TCF4: variants seen among roughly 807,000 people sequenced by gnomAD.
TCF4 encodes the protein SL3-3 enhancer factor 2.
TCF4 carries 3 observed loss-of-function variants against 82.1 expected under a neutral mutation model. The ratio of observed to expected loss-of-function variants is 0.04; its 90% CI spans 0.02 to 0.09. The LOEUF (loss-of-function observed/expected upper bound fraction) is 0.09, where lower values mean the gene tolerates loss of function less well. Ranked by LOEUF, TCF4 falls within the 10% of genes least tolerant of loss-of-function variation. The probability of loss-of-function intolerance (pLI) is 1.00; values close to 1 mark genes in which losing one functional copy is unlikely to be tolerated. For synonymous variants in TCF4, 276 were observed against 309.6 expected (o/e 0.89, Z 1.14); for missense variants, 518 against 852.7 (o/e 0.61, Z 4.89).
At chr18:55,235,102 G>A (rs1389493628) in intron 15 of TCF4, among the ~76,000 whole-genome samples, 1 of 151,872 alleles carries the variant, frequency 6.6e-6, no homozygotes, top group Non-Finnish European at 1.5e-5. Flanking sequence ...TTTGGCATTC[G>A]ACTTTCATTT....
chr18:55,429,882 A>G (rs1411132644), intron 5 of TCF4, among the ~76,000 whole-genome samples: 1 of 151,444 alleles, frequency 6.6e-6, no homozygotes, highest in Non-Finnish European at 1.5e-5. Context: ...AGGTCTTGAC[A>G]TGATCTATCA....
chr18:55,479,014 C>T (rs1392720448), intron 3 of TCF4, among the ~76,000 whole-genome samples: 1 of 151,722 alleles, frequency 6.6e-6, no homozygotes, highest in African/African-American at 2.4e-5. Flanking sequence ...ATCTACTTCC[C>T]ACCATTTCTT....
At chr18:55,321,687 A>G (rs984610689) in intron 8 of TCF4, 4 of 1,536,174 alleles carry the variant, frequency 2.6e-6, no homozygotes, top group Non-Finnish European at 3.5e-6. Context: ...CCATTATAGT[A>G]GTACATCAAA....
chr18:55,371,789 A>T (rs1408827856), intron 6 of TCF4, among the ~76,000 whole-genome samples: 1 of 152,162 alleles, frequency 6.6e-6, no homozygotes, highest in South Asian at 2.1e-4. Flanking sequence ...CCCTATGCTG[A>T]AATTATTGTC....
At chr18:55,421,717 TA>T (rs1426090436) in intron 5 of TCF4, among the ~76,000 whole-genome samples, 2 of 152,186 alleles carry the variant, frequency 1.3e-5, no homozygotes, top group African/African-American at 4.8e-5. Flanking sequence ...TTTTTTAACC[TA>T]AAGATCAAAT....
intron 8 of TCF4, among the ~76,000 whole-genome samples, chr18:55,299,875 G>A (rs2067626366): frequency 6.6e-6 from 1 of 152,156 alleles, no homozygotes. Context: ...TAAGAGAGAA[G>A]TCACTGTGCA....
chr18:55,403,953 C>T, intron 5 of TCF4: 1 of 1,318,908 alleles, frequency 7.6e-7, no homozygotes, highest in Non-Finnish European at 9.7e-7. Context: ...ACAGGCTCTC[C>T]AGATGGTGAA....
intron 8 of TCF4, among the ~76,000 whole-genome samples, chr18:55,345,780 T>C (rs900166517): frequency 6.6e-6 from 1 of 152,302 alleles, no homozygotes; most frequent in East Asian, 1.9e-4. Flanking sequence ...TTGTGATCGA[T>C]ATCATATTTC....
chr18:55,467,072 T>C (rs2096043504), intron 3 of TCF4, among the ~76,000 whole-genome samples: 1 of 152,088 alleles, frequency 6.6e-6, no homozygotes, highest in Non-Finnish European at 1.5e-5. Context: ...TGAGGACAAA[T>C]CACTAGCTCT....
intron 3 of TCF4, chr18:55,479,252 T>A (rs1410111415): frequency 6.5e-6 from 1 of 153,018 alleles, no homozygotes; most frequent in Non-Finnish European, 1.5e-5. Context: ...AATGAAGACA[T>A]GAAGACCCAA....
intron 15 of TCF4, among the ~76,000 whole-genome samples, chr18:55,235,867 T>G (rs2049209322): frequency 6.6e-6 from 1 of 152,196 alleles, no homozygotes; most frequent in Non-Finnish European, 1.5e-5. Context: ...ACTCTTGTGT[T>G]ACCAATATAT....
At chr18:55,537,330 G>A (rs1394001269) in intron 3 of TCF4, among the ~76,000 whole-genome samples, 1 of 152,074 alleles carries the variant, frequency 6.6e-6, no homozygotes, top group Non-Finnish European at 1.5e-5. Flanking sequence ...GCCGGGCACA[G>A]TGGCTCACGC....
At chr18:55,497,548 C>G (rs545629568) in intron 3 of TCF4, among the ~76,000 whole-genome samples, 129 of 152,218 alleles carry the variant, frequency 8.5e-4, no homozygotes, top group Non-Finnish European at 3.5e-4. Flanking sequence ...ATGATTAGTT[C>G]AGATCTTTTT....
chr18:55,235,595 C>A (rs2049122713), intron 15 of TCF4, among the ~76,000 whole-genome samples: 1 of 152,144 alleles, frequency 6.6e-6, no homozygotes. Context: ...AGACATTGAA[C>A]TTGTGGCACT....
chr18:55,373,918 T>G (rs1219105123), intron 6 of TCF4, among the ~76,000 whole-genome samples: 1 of 152,000 alleles, frequency 6.6e-6, no homozygotes, highest in Non-Finnish European at 1.5e-5. Context: ...CCTACTAGAT[T>G]ACCCCCAAAG....
At chr18:55,429,702 G>A (rs1488503858) in intron 5 of TCF4, among the ~76,000 whole-genome samples, 7 of 128,914 alleles carry the variant, frequency 5.4e-5, no homozygotes, top group Admixed American at 9.4e-5. Flanking sequence ...CGGAGCTTGC[G>A]ATGAGCCAAG....
intron 8 of TCF4, among the ~76,000 whole-genome samples, chr18:55,335,708 T>C (rs1036040384): frequency 5.3e-5 from 8 of 152,160 alleles, no homozygotes; most frequent in Admixed American, 5.2e-4. Context: ...TCTTCCATAA[T>C]ACAATGGTAT....
intron 8 of TCF4, among the ~76,000 whole-genome samples, chr18:55,324,080 A>G (rs2076158802): frequency 6.6e-6 from 1 of 152,198 alleles, no homozygotes; most frequent in Admixed American, 6.5e-5. Context: ...ATAAATAAAT[A>G]TTTTTAATCT....
At chr18:55,361,549 C>T (rs1359844029) in intron 6 of TCF4, among the ~76,000 whole-genome samples, 1 of 152,212 alleles carries the variant, frequency 6.6e-6, no homozygotes, top group African/African-American at 2.4e-5. Context: ...TCCCATTCCA[C>T]AGCAGAGAAG....
Sources: allele counts gnomAD v4.1 joint callset (sites outside exome capture counted in the v4.1 genomes callset), GRCh38; gene constraint gnomAD v4.1.1; transcripts MANE v1.5; gene names NCBI Gene and HGNC (gene_info 2026-07-23, HGNC 2026-07-21).